Variants in OR1B1 observed in about 807,000 individuals in gnomAD.
OR1B1 encodes the protein olfactory receptor family 1 subfamily B member 1, also known as olfactory receptor 1B1.
For missense variants in OR1B1, 414 were observed against 402.1 expected (o/e 1.03, Z -0.25); for synonymous variants, 168 against 156.2 (o/e 1.08, Z -0.57).
exon 1 of OR1B1, chr9:122,628,693 T>C: frequency 6.2e-7 from 1 of 1,613,552 alleles, no homozygotes. Context: ...TATACATTAC[T>C]GAAGCCACCA....
the OR1B1 span, among the ~76,000 whole-genome samples, chr9:122,635,759 T>C: frequency 2.6e-5 from 4 of 152,126 alleles, no homozygotes; most frequent in Non-Finnish European, 5.9e-5. Flanking sequence ...AATCCTCAGA[T>C]TGAAGAATCA....
At chr9:122,649,001 T>C in the OR1B1 span, among the ~76,000 whole-genome samples, 2 of 152,126 alleles carry the variant, frequency 1.3e-5, no homozygotes, top group Non-Finnish European at 2.9e-5. Context: ...CTTCAAACTA[T>C]ATTATAAGAC....
At chr9:122,648,544 T>C in the OR1B1 span, among the ~76,000 whole-genome samples, 1 of 151,298 alleles carries the variant, frequency 6.6e-6, no homozygotes, top group Non-Finnish European at 1.5e-5. Flanking sequence ...GTAATTGTTT[T>C]AAGGAAGTCT....
At chr9:122,639,627 C>T in the OR1B1 span, 1 of 151,864 alleles carries the variant, frequency 6.6e-6, no homozygotes, top group Non-Finnish European at 1.5e-5. Context: ...GACATGGGAA[C>T]TACTTTCACA....
the OR1B1 span, among the ~76,000 whole-genome samples, chr9:122,640,807 A>T: frequency 1.3e-5 from 2 of 152,292 alleles, no homozygotes; most frequent in Non-Finnish European, 2.9e-5. Context: ...TAAGTACATC[A>T]GGTAGTCACA....
At chr9:122,644,658 A>AAAAGTAAGAG in the OR1B1 span, among the ~76,000 whole-genome samples, 1 of 152,196 alleles carries the variant, frequency 6.6e-6, no homozygotes, top group African/African-American at 2.4e-5. Context: ...ATGTTTGGGG[A>AAAAGTAAGAG]AAAGTAAGAG....
At chr9:122,638,753 T>G in the OR1B1 span, among the ~76,000 whole-genome samples, 103 of 152,302 alleles carry the variant, frequency 6.8e-4, 1 homozygote, top group African/African-American at 2.0e-3. Context: ...TGTTTCCAAT[T>G]ATCATTTCTG....
the OR1B1 span, among the ~76,000 whole-genome samples, chr9:122,657,121 C>A: frequency 1.3e-5 from 2 of 151,820 alleles, no homozygotes; most frequent in African/African-American, 4.8e-5. Flanking sequence ...ATCTCCTGGA[C>A]CTTTAGGCTA....
At chr9:122,633,787 C>T (rs561958291), upstream of OR1B1, among the ~76,000 whole-genome samples, 431 of 151,390 alleles carry the variant, frequency 2.8e-3, 1 homozygote, top group Admixed American at 0.011. Context: ...AAAATTAGCC[C>T]GGCATGGTGG....
At chr9:122,630,748 C>A (rs1233850752), upstream of OR1B1, among the ~76,000 whole-genome samples, 1 of 152,134 alleles carries the variant, frequency 6.6e-6, no homozygotes. Flanking sequence ...CACTCTATCA[C>A]CCAGGCTGAA....
exon 1 of OR1B1, chr9:122,629,279 T>C (rs1009375671): frequency 6.2e-7 from 1 of 1,614,032 alleles, no homozygotes; most frequent in African/African-American, 1.3e-5. Context: ...AGAGACCAAA[T>C]GGGCCAGCAA....
upstream of OR1B1, among the ~76,000 whole-genome samples, chr9:122,630,287 TTTTC>T (rs1830191689): frequency 6.6e-6 from 1 of 152,174 alleles, no homozygotes; most frequent in African/African-American, 2.4e-5. Flanking sequence ...TGAAATTACT[TTTTC>T]TTTCTCTTTA....
upstream of OR1B1, among the ~76,000 whole-genome samples, chr9:122,630,308 G>A (rs1238610698): frequency 6.6e-6 from 1 of 152,174 alleles, no homozygotes; most frequent in Non-Finnish European, 1.5e-5. Flanking sequence ...TTTATTCCCT[G>A]TGTTAGTTAA....
the OR1B1 span, among the ~76,000 whole-genome samples, chr9:122,640,382 A>C: frequency 6.6e-6 from 1 of 152,162 alleles, no homozygotes; most frequent in Non-Finnish European, 1.5e-5. Context: ...GATCAACTTA[A>C]TGCTGATTAT....
the OR1B1 span, among the ~76,000 whole-genome samples, chr9:122,640,968 A>G: frequency 6.6e-6 from 1 of 152,332 alleles, no homozygotes; most frequent in South Asian, 2.1e-4. Context: ...GAGAAAGAAG[A>G]ATAAATATTA....
the OR1B1 span, among the ~76,000 whole-genome samples, chr9:122,637,875 A>G: frequency 6.6e-6 from 1 of 152,240 alleles, no homozygotes. Context: ...CACGATTTGT[A>G]GAAATTGTGG....
the OR1B1 span, among the ~76,000 whole-genome samples, chr9:122,651,657 C>T: frequency 1.3e-5 from 2 of 152,146 alleles, no homozygotes; most frequent in Admixed American, 1.3e-4. Flanking sequence ...TAACTCATCA[C>T]TTTCACTTTT....
At chr9:122,649,991 C>A in the OR1B1 span, among the ~76,000 whole-genome samples, 3 of 152,106 alleles carry the variant, frequency 2.0e-5, no homozygotes, top group African/African-American at 4.8e-5. Context: ...AGACTTGGAA[C>A]CAACCCAAAT....
the OR1B1 span, among the ~76,000 whole-genome samples, chr9:122,639,930 C>G: frequency 6.6e-6 from 1 of 151,822 alleles, no homozygotes. Context: ...TTTTTGAGCC[C>G]TTTTAATGTG....
Sources: allele counts gnomAD v4.1 joint callset (sites outside exome capture counted in the v4.1 genomes callset), GRCh38; gene constraint gnomAD v4.1.1; transcripts MANE v1.5; gene names NCBI Gene and HGNC (gene_info 2026-07-23, HGNC 2026-07-21).